PROM1: variants seen among roughly 807,000 people sequenced by gnomAD.
PROM1 encodes prominin 1, also known as prominin-1.
Under a neutral mutation model 116.9 loss-of-function variants are expected in PROM1, and 105 were observed. The observed-to-expected ratio is 0.90, with a 90% CI of 0.77 to 1.06. The LOEUF is 1.06. PROM1 is among the 50% of genes least tolerant of loss of function. The pLI, the probability that PROM1 is intolerant of heterozygous loss-of-function variation, is 0.00. For missense variants in PROM1, 1,122 were observed against 1,045.2 expected, an observed-to-expected ratio of 1.07 and a Z score of -1.01; for synonymous variants, 393 against 387.0, an observed-to-expected ratio of 1.02 and a Z score of -0.18.
intron 8 of PROM1, among the ~76,000 whole-genome samples, chr4:16,018,864 C>T (rs1729104499): frequency 6.6e-6 from 1 of 152,138 alleles, no homozygotes; most frequent in African/African-American, 2.4e-5. Flanking sequence ...CACCCAGCCT[C>T]GAAGAGCTCA....
chr4:16,081,069 AT>A (rs1009942019), intron 1 of PROM1, among the ~76,000 whole-genome samples: 6 of 150,084 alleles, frequency 4.0e-5, no homozygotes, highest in African/African-American at 9.9e-5. Flanking sequence ...ATGTATATAT[AT>A]TTTTTTATTA....
intron 2 of PROM1, among the ~76,000 whole-genome samples, chr4:16,059,659 G>A (rs756237662): frequency 1.5e-4 from 23 of 152,156 alleles, no homozygotes; most frequent in Non-Finnish European, 2.9e-4. Context: ...AGCTACGATT[G>A]TGTCACTGCA....
chr4:15,980,589 A>G, intron 23 of PROM1, 52 bp from the exon 24 acceptor site: 2 of 1,161,526 alleles, frequency 1.7e-6, no homozygotes, highest in South Asian at 1.5e-5. Context: ...GAAATGGGAA[A>G]AACAGTTGTT....
chr4:16,043,754 T>C (rs542727254), intron 2 of PROM1, among the ~76,000 whole-genome samples: 366 of 152,332 alleles, frequency 2.4e-3, no homozygotes, highest in Non-Finnish European at 3.6e-3. Flanking sequence ...GGTTGCCCCA[T>C]GACGCTGTCT....
At chr4:16,016,711 T>C (rs202164989) in intron 9 of PROM1, among the ~76,000 whole-genome samples, 1 of 152,194 alleles carries the variant, frequency 6.6e-6, no homozygotes. Context: ...CCACATGATG[T>C]CCAAGAACAT....
chr4:16,002,296 G>A (rs961661709), intron 13 of PROM1, among the ~76,000 whole-genome samples: 4 of 152,182 alleles, frequency 2.6e-5, no homozygotes, highest in Non-Finnish European at 5.9e-5. Flanking sequence ...ATTTGAGACA[G>A]GAGATCCTAA....
intron 2 of PROM1, among the ~76,000 whole-genome samples, chr4:16,041,869 T>TC (rs1735378595): frequency 6.6e-6 from 1 of 151,332 alleles, no homozygotes; most frequent in African/African-American, 2.4e-5. Flanking sequence ...CAGCCCTTAA[T>TC]CGTGGTTCAC....
At chr4:16,079,902 T>C (rs1744678418) in intron 1 of PROM1, 1 of 149,038 alleles carries the variant, frequency 6.7e-6, no homozygotes, top group African/African-American at 2.5e-5. Context: ...CTACCCCAGC[T>C]GCTGTGCAGG....
intron 22 of PROM1, 114 bp downstream of exon 22, chr4:15,985,646 T>C (rs1286072379): frequency 7.0e-6 from 6 of 856,554 alleles, no homozygotes; most frequent in Non-Finnish European, 5.6e-6. Context: ...TCCTTTCACT[T>C]ACTTCCTACC....
At chr4:16,000,769 G>T in intron 13 of PROM1, 150 bp from the exon 14 acceptor site, 3 of 640,838 alleles carry the variant, frequency 4.7e-6, no homozygotes, top group Non-Finnish European at 4.6e-6. Flanking sequence ...GAGTGACACA[G>T]GGCTTGGGGA....
rs186163053 is a variant in PROM1, at chr4:15,977,220, C to A, written c.2582+2175G>T. ...ATCTCTCTCTCTAGCATCTTCCAGGCAGCCTGGATGACTCTTCTTAGAACA... is the reference window on the plus strand; with the variant it reads ...ATCTCTCTCTCTAGCATCTTCCAGGAAGCCTGGATGACTCTTCTTAGAACA... On this transcript the variant is annotated intron_variant, in intron 26 of 27. Transcript: ENST00000447510. Among the ~76,000 whole-genome samples, 493 of 152,276 alleles carry A rather than the reference C, an allele frequency of 3.2e-3. 7 individuals are homozygous for A. The highest frequency in any genetic ancestry group is 0.011 in the African/African-American group (475 of 41,554).
chr4:15,996,232 C>T (rs112162195), intron 15 of PROM1, among the ~76,000 whole-genome samples: 27 of 152,286 alleles, frequency 1.8e-4, no homozygotes, highest in South Asian at 1.0e-3. Context: ...CAGTAATGGC[C>T]GGGCTTGGGG....
chr4:16,063,658 G>A (rs1486256677), intron 2 of PROM1, among the ~76,000 whole-genome samples: 2 of 152,104 alleles, frequency 1.3e-5, no homozygotes, highest in Non-Finnish European at 2.9e-5. Context: ...ATGTATGGAC[G>A]TTATGTGTAT....
In PROM1 at chr4:15,980,494, A is replaced by G; in HGVS notation, c.2417T>C (p.Leu806Pro). 6.4e-7 allele frequency: 1 copy of G among 1,555,846 alleles called. No homozygotes were observed. Among genetic ancestry groups the G allele is most frequent in the Non-Finnish European group, 8.7e-7 (1 of 1,148,726 alleles). The change falls in exon 24 of 28, where the codon CTT becomes CCT. Residue 806 changes from leucine (L) to proline (P), a missense_variant. Coordinates refer to ENST00000447510, the MANE Select transcript of PROM1 (RefSeq NM_006017.3). ...FGIGKATVFLLPALIFAVKLA... is the reference protein window; with the variant it reads ...FGIGKATVFLPPALIFAVKLA... ...TTTTACCGCAAAAATTAGAGCCGGA[A>G]GTAAAAATACAGTAGCTTTTCCTAT... is the stretch of plus-strand genomic sequence containing the variant.
intron 16 of PROM1, among the ~76,000 whole-genome samples, chr4:15,993,494 C>T (rs913225632): frequency 2.6e-5 from 4 of 152,272 alleles, no homozygotes; most frequent in South Asian, 2.1e-4. Context: ...GAGGTTCTGT[C>T]GGCTTCCATC....
intron 3 of PROM1, 48 bp from the exon 4 acceptor site, chr4:16,035,809 T>C: frequency 6.4e-7 from 1 of 1,570,242 alleles, no homozygotes. Flanking sequence ...GCAGCATGCA[T>C]CAAGAAAACA....
At chr4:16,034,136 A>AT (rs1733451015) in intron 4 of PROM1, among the ~76,000 whole-genome samples, 1 of 152,216 alleles carries the variant, frequency 6.6e-6, no homozygotes, top group Admixed American at 6.5e-5. Context: ...GAGTACTTGC[A>AT]TAACAATCTA....
intron 2 of PROM1, among the ~76,000 whole-genome samples, chr4:16,056,485 C>T (rs757485098): frequency 6.6e-5 from 10 of 152,122 alleles, no homozygotes; most frequent in Admixed American, 1.3e-4. Context: ...TAGTGTTCCC[C>T]TCTTCAAGAT....
intron 23 of PROM1, among the ~76,000 whole-genome samples, chr4:15,983,634 G>C (rs1007275757): frequency 3.3e-5 from 5 of 152,108 alleles, no homozygotes; most frequent in Non-Finnish European, 7.3e-5. Context: ...AAGAAGATGA[G>C]TATGTCTGGA....
Sources: allele counts gnomAD v4.1 joint callset (sites outside exome capture counted in the v4.1 genomes callset), GRCh38; gene constraint gnomAD v4.1.1; transcripts MANE v1.5; gene names NCBI Gene and HGNC (gene_info 2026-07-23, HGNC 2026-07-21).